ABCA3: variants seen among roughly 807,000 people sequenced by gnomAD.
The protein encoded by ABCA3 is phospholipid-transporting ATPase ABCA3.
Under a neutral mutation model 172.8 loss-of-function variants are expected in ABCA3, and 88 were observed. The observed-to-expected ratio is 0.51, with a 90% confidence interval of 0.43 to 0.61. The LOEUF (loss-of-function observed/expected upper bound fraction) is 0.61. Ranked by LOEUF, ABCA3 falls within the 20% of genes least tolerant of loss-of-function variation. ABCA3 has a pLI of 0.00. For synonymous variants in ABCA3, 1,066 were observed against 983.8 expected (o/e 1.08, Z -1.56); for missense variants, 2,164 against 2,301.0 (o/e 0.94, Z 1.22).
chr16:2,303,050 T>G (rs2093691973), intron 12 of ABCA3, among the ~76,000 whole-genome samples: 1 of 150,366 alleles, frequency 6.7e-6, no homozygotes, highest in South Asian at 2.1e-4. Flanking sequence ...CCACCCATCT[T>G]GGCCTCCCAA....
rs774441177 is a variant in ABCA3 at position 2,331,268 on chromosome 16, G to A, written c.-538-1414C>T. On this transcript the variant is annotated intron_variant, in intron 1 of 32. Transcript: ENST00000301732. ...TCGCTCTGTCGCCGAGGCTGGGCAC[G>A]ATCTCGGCTCACAACAACCTCCACC... Among the ~76,000 whole-genome samples the A allele has an allele frequency of 5.9e-5, 9 of 151,654 alleles. No homozygotes were observed. In the East Asian group the frequency reaches 9.7e-4, roughly 16 times the overall value.
rs1469061301 is a variant in ABCA3 at position 2,297,032 on chromosome 16, C to T, written c.2263+297G>A. Among the ~76,000 whole-genome samples the T allele has an allele frequency of 1.3e-5, 2 of 152,190 alleles. No individual in the cohort carries two copies. Among genetic ancestry groups the T allele is most frequent in the African/African-American group, 2.4e-5 (1 of 41,456 alleles). On this transcript the variant is annotated intron_variant, in intron 17 of 32. Coordinates refer to ENST00000301732, the MANE Select transcript of ABCA3 (RefSeq NM_001089.3). This position sits in a 1 kb window ranked among gnomAD's most constrained non-coding sequence, Gnocchi z 5.6. The stretch of plus-strand genomic sequence containing the variant: ...TCACGTGGGAGCTGCCATGTTGGTG[C>T]GTGTGTTGGCCTCTCCAAGGGCAGT...
In ABCA3 at chr16:2,294,512, C is replaced by T. The variant is rs150563382; in HGVS notation, c.2414+1078G>A. Among the ~76,000 whole-genome samples, 690 of 151,756 alleles carry T rather than the reference C, an allele frequency of 4.5e-3. 1 individual carries two copies. The highest frequency in any genetic ancestry group is 0.016 in the African/African-American group (657 of 41,386). On this transcript the variant is annotated intron_variant, in intron 18 of 32. Transcript: ENST00000301732. ...ACCAGCTTGGGCAACATAACAAGAC[C>T]CCATCTCTACAAAAAAAATAAAAAA...
At position 2,285,126 on chromosome 16, in the gene ABCA3, C is replaced by T. The variant is rs1224726298; in HGVS notation, c.3484-128G>A. On this transcript the variant is annotated intron_variant, in intron 23 of 32. Transcript: ENST00000301732. This position sits in a 1 kb window ranked among gnomAD's most constrained non-coding sequence, Gnocchi z 4.7. ...GGTCAGCTGGCCCATGTCCATCAGC[C>T]CCACAGGCCACGTCTGGCCCCCGCG... 4 of 1,094,978 alleles carry T rather than the reference C, an allele frequency of 3.7e-6. No individual in the cohort carries two copies. The highest frequency in any genetic ancestry group is 3.1e-5 in the African/African-American group (2 of 63,780). The allele number at this position is 1,094,978 out of a possible 1,614,324, so 67.8% of individuals were successfully genotyped here.
At position 2,284,647 on chromosome 16, in the gene ABCA3, G is replaced by A. The variant is rs1014144312; in HGVS notation, c.3703+132C>T. The A allele has an allele frequency of 4.7e-5, 58 of 1,224,796 alleles. No homozygotes were observed. The highest frequency in any genetic ancestry group is 5.3e-4 in the Middle Eastern group (2 of 3,800). 75.9% of individuals were successfully genotyped at this position (1,224,796 alleles called of 1,614,324 possible). ...GGCTAGCCGGGCAGGGCCAGCTGGG[G>A]CAGAGGGGCTGGTGAGCATGAACTG... On this transcript the variant is annotated intron_variant, in intron 24 of 32. Transcript: ENST00000301732. This position sits in a 1 kb window ranked among gnomAD's most constrained non-coding sequence, Gnocchi z 5.9.
intron 7 of ABCA3, chr16:2,323,281 T>C: frequency 1.7e-6 from 1 of 582,532 alleles, no homozygotes; most frequent in Non-Finnish European, 3.1e-6. Context: ...GAAATACCAT[T>C]TGACCCAGCC....
At chr16:2,282,492 G>T (rs1196073085) in intron 26 of ABCA3, among the ~76,000 whole-genome samples, 1 of 152,226 alleles carries the variant, frequency 6.6e-6, no homozygotes, top group African/African-American at 2.4e-5. Context: ...TATGTGCAAT[G>T]CAATGTCAAC....
At chr16:2,298,617 CCT>C (rs111665931) in intron 14 of ABCA3, 77 bp from the exon 15 acceptor site, 207 of 1,560,258 alleles carry the variant, frequency 1.3e-4, no homozygotes, top group Non-Finnish European at 1.7e-4. Flanking sequence ...CCCCCCACCC[CCT>C]CTCTGTCTCC....
chr16:2,295,517 C>A (rs2093678358), intron 18 of ABCA3, 73 bp downstream of exon 18: 1 of 1,597,266 alleles, frequency 6.3e-7, no homozygotes, highest in East Asian at 2.2e-5. Context: ...TGCCTCTGAG[C>A]ACAAAGCCCT....
chr16:2,289,459 C>T lies in ABCA3; in HGVS notation c.2675G>A (p.Arg892His), dbSNP rs142687030. ...CCCAGTGTTGAGCTTGACAGCGGTG[C>T]GCTCCTCCTCGATGAGGGCTCCAAT... Reference protein sequence around the residue: ...DGIGALIEEERTAVKLNTGLA... With the variant: ...DGIGALIEEEHTAVKLNTGLA... Residue 892 changes from arginine (R) to histidine (H), a missense_variant, in exon 20 of 33, where the codon CGC (arginine) becomes CAC (histidine). Physicochemically the swap from Arg to His is conservative, Grantham distance 29. Around this residue, in one of 3 missense-constraint regions of ABCA3, gnomAD observed 1,343 missense variants for 1,369.6 expected, o/e 0.98. Coordinates refer to ENST00000301732, the MANE Select transcript of ABCA3 (RefSeq NM_001089.3). 230 of 1,580,130 alleles carry T rather than the reference C, an allele frequency of 1.5e-4. 1 individual carries two copies. In the African/African-American group the frequency reaches 2.3e-3, roughly 16 times the overall value.
intron 1 of ABCA3, among the ~76,000 whole-genome samples, chr16:2,334,524 T>C (rs2093748612): frequency 6.6e-6 from 1 of 151,806 alleles, no homozygotes; most frequent in South Asian, 2.1e-4. Flanking sequence ...AATTTTTTTT[T>C]TTTTTTTTGA....
chr16:2,287,040 G>A lies in ABCA3; in HGVS notation c.3005-73C>T, dbSNP rs1596834976. 1.3e-6 allele frequency: 2 copies of A among 1,528,642 alleles called. No individual in the cohort carries two copies. The highest frequency in any genetic ancestry group is 1.8e-6 in the Non-Finnish European group (2 of 1,125,582). The allele number at this position is 1,528,642 out of a possible 1,614,324, so 94.7% of individuals were successfully genotyped here. A position where few individuals can be genotyped will look rare whatever the true frequency, so the allele number is the denominator to read the frequency against. The stretch of plus-strand genomic sequence containing the variant: ...GGGCACCCCCTGCCACCTGAGCATG[G>A]CTAATCAGGGACCCAATAGAGTGGT... On this transcript the variant is annotated intron_variant, in intron 21 of 32. Coordinates refer to ENST00000301732, the MANE Select transcript of ABCA3 (RefSeq NM_001089.3). The surrounding 1 kb of genome is among the most constrained non-coding windows in gnomAD (Gnocchi z 4.1).
In ABCA3 at chr16:2,317,267, C is replaced by A; in HGVS notation, c.1111+16G>T. The A allele has an allele frequency of 1.2e-6, 2 of 1,613,738 alleles. No individual in the cohort carries two copies. The highest frequency in any genetic ancestry group is 1.1e-5 in the South Asian group (1 of 91,040). ...GCCCCTTGGCAACCCCACTCTGCCC[C>A]ATGACTGGGGCTCACCTTTGCTGAA... is the stretch of plus-strand genomic sequence containing the variant. On this transcript the variant is annotated intron_variant, in intron 10 of 32. Transcript: ENST00000301732.
At chr16:2,308,270 G>A (rs1410935425) in intron 11 of ABCA3, among the ~76,000 whole-genome samples, 180 bp downstream of exon 11, 7 of 152,120 alleles carry the variant, frequency 4.6e-5, no homozygotes, top group Non-Finnish European at 8.8e-5. Context: ...TCCCTCGCCC[G>A]GGGCCGTGTC....
rs773541339 is a variant in ABCA3, at chr16:2,304,104, G to A, written c.1332C>T (p.Asp444=). ...GCACCTGCCCGAAGCAGAAGTCGTCGTCCACGTTGACGGGACTCAGGAGGT... is the reference window on the plus strand; with the variant it reads ...GCACCTGCCCGAAGCAGAAGTCGTCATCCACGTTGACGGGACTCAGGAGGT... ...WRDLLSPVNV[D]DDFCFGQVLG... is the part of the protein sequence containing the mutation. Residue 444 remains aspartate, a synonymous_variant, in exon 12 of 33, where the codon GAC becomes GAT. Coordinates refer to ENST00000301732, the MANE Select transcript of ABCA3 (RefSeq NM_001089.3). 23 of 1,614,174 alleles carry A rather than the reference G, an allele frequency of 1.4e-5. No homozygotes were observed. Among genetic ancestry groups the A allele is most frequent in the Non-Finnish European group, 1.7e-5 (20 of 1,180,038 alleles).
chr16:2,283,714 A>G lies in ABCA3; in HGVS notation c.3863-356T>C. On this transcript the variant is annotated intron_variant, in intron 25 of 32. Transcript: ENST00000301732. This position sits in a 1 kb window ranked among gnomAD's most constrained non-coding sequence, Gnocchi z 5.4. ...GGAGGCTGAGGAGGCCCCACAGGAC[A>G]GGTCCAAGTTCTGTCCCCCTGGACC... 1 of 327,392 alleles carries G rather than the reference A, an allele frequency of 3.1e-6. No homozygotes were observed. Among genetic ancestry groups the G allele is most frequent in the Non-Finnish European group, 5.8e-6 (1 of 172,618 alleles). 20.3% of individuals were successfully genotyped at this position (327,392 alleles called of 1,614,324 possible).
Position 2,277,730 on chromosome 16 carries a change from C to T in ABCA3, c.4910-60G>A. ...CGGGCTGGAGGATCGGGGAGGGTGCCTGGGTGCTCAGCACTGGAGTCCTCG... is the reference window on the plus strand; with the variant it reads ...CGGGCTGGAGGATCGGGGAGGGTGCTTGGGTGCTCAGCACTGGAGTCCTCG... On this transcript the variant is annotated intron_variant, in intron 31 of 32. Coordinates refer to ENST00000301732, the MANE Select transcript of ABCA3 (RefSeq NM_001089.3). This position sits in a 1 kb window ranked among gnomAD's most constrained non-coding sequence, Gnocchi z 5.3. 6.2e-7 allele frequency: 1 copy of T among 1,606,978 alleles called. No homozygotes were observed.
chr16:2,280,033 G>C (rs569977852), intron 28 of ABCA3, among the ~76,000 whole-genome samples: 6 of 152,346 alleles, frequency 3.9e-5, no homozygotes, highest in African/African-American at 1.4e-4. Flanking sequence ...ATAGGCGTGA[G>C]CCACGCTCCC....
intron 1 of ABCA3, chr16:2,332,218 C>T (rs2093744331): frequency 4.9e-6 from 2 of 405,380 alleles, no homozygotes; most frequent in African/African-American, 2.2e-5. Flanking sequence ...GGAGAAATCC[C>T]AAACTCCTCC....
Sources: allele counts gnomAD v4.1 joint callset (sites outside exome capture counted in the v4.1 genomes callset), GRCh38; gene constraint gnomAD v4.1.1; regional missense constraint gnomAD v4.1.1; non-coding constraint Gnocchi (gnomAD v3.1); transcripts MANE v1.5; gene names NCBI Gene and HGNC (gene_info 2026-07-23, HGNC 2026-07-21).